TMEM200A: variants seen among roughly 807,000 people sequenced by gnomAD.
TMEM200A encodes the protein two transmembrane C.
Under a neutral mutation model 24.3 loss-of-function variants are expected in TMEM200A, and 12 were observed. The observed-to-expected ratio is 0.49, with a 90% CI of 0.32 to 0.80. TMEM200A has a LOEUF of 0.80. TMEM200A is among the 30% of genes least tolerant of loss of function. TMEM200A has a pLI of 0.04. For synonymous variants in TMEM200A, 224 were observed against 224.4 expected, an observed-to-expected ratio of 1.00 and a Z score of 0.02; for missense variants, 545 against 614.4, an observed-to-expected ratio of 0.89 and a Z score of 1.19.
In TMEM200A at chr6:130,410,663, A is replaced by G. The variant is rs1407168554; in HGVS notation, c.-17+25427A>G. 3.3e-5 allele frequency among the ~76,000 whole-genome samples: 5 copies of G among 152,240 alleles called. No individual in the cohort carries two copies. The East Asian group carries it at 9.6e-4, about 29-fold the overall frequency. On this transcript the variant is annotated intron_variant, in intron 2 of 2. Coordinates refer to ENST00000296978, the MANE Select transcript of TMEM200A (RefSeq NM_001258277.2). ...TCCGTTGTTTCAACAAAGCTAAGTG[A>G]TAATCAGAAAACATGACAAGAATTA... is the stretch of plus-strand genomic sequence containing the variant.
intron 2 of TMEM200A, among the ~76,000 whole-genome samples, chr6:130,386,410 C>A (rs1778713114): frequency 6.6e-6 from 1 of 152,160 alleles, no homozygotes; most frequent in South Asian, 2.1e-4. Flanking sequence ...TCTAAAGATG[C>A]ACCTTTTATA....
At chr6:130,430,261 T>G (rs1272801537) in intron 2 of TMEM200A, among the ~76,000 whole-genome samples, 1 of 152,042 alleles carries the variant, frequency 6.6e-6, no homozygotes, top group African/African-American at 2.4e-5. Flanking sequence ...AGGATTCCAC[T>G]TATATTAATC....
At chr6:130,432,479 G>T (rs1779901510) in intron 2 of TMEM200A, among the ~76,000 whole-genome samples, 1 of 152,116 alleles carries the variant, frequency 6.6e-6, no homozygotes, top group Non-Finnish European at 1.5e-5. Flanking sequence ...TAATGCTTTT[G>T]CCACTAAAAT....
Position 130,436,041 on chromosome 6 carries a change from C to T in TMEM200A, c.-16-4366C>T, listed in dbSNP as rs189704465. Among the ~76,000 whole-genome samples the T allele has an allele frequency of 8.1e-4, 124 of 152,228 alleles. 2 individuals are homozygous for T. Among genetic ancestry groups the T allele is most frequent in the Non-Finnish European group, 2.9e-4 (20 of 68,012 alleles). ...AGGCCTAGTTTTAAAGGCAGAGCAG[C>T]ATTCTTTTGCATTTGGTGTTATGGA... On this transcript the variant is annotated intron_variant, in intron 2 of 2. Coordinates refer to ENST00000296978, the MANE Select transcript of TMEM200A (RefSeq NM_001258277.2).
intron 2 of TMEM200A, among the ~76,000 whole-genome samples, chr6:130,410,350 A>T (rs1478094856): frequency 6.6e-6 from 1 of 152,220 alleles, no homozygotes; most frequent in Non-Finnish European, 1.5e-5. Flanking sequence ...CTCTGGAGTG[A>T]TACAAGAGCT....
chr6:130,370,399 G>T (rs1258783247), intron 1 of TMEM200A, among the ~76,000 whole-genome samples: 2 of 152,148 alleles, frequency 1.3e-5, no homozygotes, highest in Non-Finnish European at 1.5e-5. Flanking sequence ...TGGTTCTGGT[G>T]CTGGGATGAG....
chr6:130,405,422 T>G (rs1383456296), intron 2 of TMEM200A, among the ~76,000 whole-genome samples: 1 of 152,188 alleles, frequency 6.6e-6, no homozygotes, highest in Non-Finnish European at 1.5e-5. Flanking sequence ...GTGGCAACTA[T>G]GAATGGAAAT....
intron 2 of TMEM200A, among the ~76,000 whole-genome samples, chr6:130,396,191 C>T (rs1432728897): frequency 6.6e-6 from 1 of 152,024 alleles, no homozygotes; most frequent in Non-Finnish European, 1.5e-5. Context: ...AACATGGGGC[C>T]AGCAGTTGTT....
Position 130,421,561 on chromosome 6 carries a change from A to G in TMEM200A, c.-16-18846A>G, listed in dbSNP as rs1049555969. ...GCATGCGTACATGTTAAGAACACTT[A>G]AGATCTACTCTTAGCAAATTTTAAA... On this transcript the variant is annotated intron_variant, in intron 2 of 2. Coordinates refer to ENST00000296978, the MANE Select transcript of TMEM200A (RefSeq NM_001258277.2). Among the ~76,000 whole-genome samples, 7 of 150,882 alleles carry G rather than the reference A, an allele frequency of 4.6e-5. No individual in the cohort carries two copies. In the East Asian group the frequency reaches 1.4e-3, roughly 29 times the overall value.
chr6:130,387,038 T>A (rs1045453863), intron 2 of TMEM200A, among the ~76,000 whole-genome samples: 4 of 152,194 alleles, frequency 2.6e-5, no homozygotes, highest in Non-Finnish European at 5.9e-5. Flanking sequence ...AAGAGGGCCT[T>A]TAATTATCAA....
At chr6:130,382,646 A>G (rs1368579805) in intron 1 of TMEM200A, among the ~76,000 whole-genome samples, 1 of 152,184 alleles carries the variant, frequency 6.6e-6, no homozygotes, top group African/African-American at 2.4e-5. Context: ...TCAGGACAAC[A>G]AAGAGAGTTG....
intron 2 of TMEM200A, among the ~76,000 whole-genome samples, chr6:130,412,369 A>G (rs1218421801): frequency 4.6e-5 from 7 of 151,996 alleles, no homozygotes; most frequent in Non-Finnish European, 7.4e-5. Context: ...TCTCACTGTC[A>G]GTGCTGATTC....
intron 1 of TMEM200A, among the ~76,000 whole-genome samples, chr6:130,369,567 C>T (rs1171502478): frequency 1.3e-5 from 2 of 152,218 alleles, no homozygotes; most frequent in Non-Finnish European, 1.5e-5. Flanking sequence ...CACTCCTCCT[C>T]TAAGGTCCCC....
chr6:130,382,871 G>A (rs1778633133), intron 1 of TMEM200A: 1 of 201,992 alleles, frequency 5.0e-6, no homozygotes, highest in Non-Finnish European at 8.8e-6. Flanking sequence ...TCTTGGGGAA[G>A]GGGCGAGCTA....
intron 1 of TMEM200A, among the ~76,000 whole-genome samples, chr6:130,371,285 G>A (rs1778316568): frequency 6.6e-6 from 1 of 152,086 alleles, no homozygotes; most frequent in East Asian, 1.9e-4. Flanking sequence ...CATTTACCAA[G>A]GATCTACTTA....
At chr6:130,372,196 T>A (rs974624259) in intron 1 of TMEM200A, among the ~76,000 whole-genome samples, 2 of 152,090 alleles carry the variant, frequency 1.3e-5, no homozygotes, top group African/African-American at 4.8e-5. Flanking sequence ...AAGGTCAATA[T>A]CAAGTCTGAG....
chr6:130,423,719 T>TAAAG (rs1779658669), intron 2 of TMEM200A, among the ~76,000 whole-genome samples: 1 of 151,994 alleles, frequency 6.6e-6, no homozygotes, highest in African/African-American at 2.4e-5. Flanking sequence ...TCTATAGCAA[T>TAAAG]AAAGAGAAAA....
chr6:130,380,789 A>G (rs899282780), intron 1 of TMEM200A, among the ~76,000 whole-genome samples: 1 of 152,182 alleles, frequency 6.6e-6, no homozygotes, highest in Non-Finnish European at 1.5e-5. Flanking sequence ...TCTCTAATCT[A>G]CCAACATAAT....
intron 2 of TMEM200A, among the ~76,000 whole-genome samples, chr6:130,433,732 G>A (rs1485594014): frequency 6.6e-6 from 1 of 152,008 alleles, no homozygotes; most frequent in Non-Finnish European, 1.5e-5. Flanking sequence ...CTCACATTCT[G>A]GTGAATTTTT....
Sources: allele counts gnomAD v4.1 joint callset (sites outside exome capture counted in the v4.1 genomes callset), GRCh38; gene constraint gnomAD v4.1.1; transcripts MANE v1.5; gene names NCBI Gene and HGNC (gene_info 2026-07-23, HGNC 2026-07-21).